CREB5: variants seen among roughly 807,000 people sequenced by gnomAD.
CREB5 encodes cyclic AMP-responsive element-binding protein 5.
In CREB5, 19 loss-of-function variants were observed where a neutral mutation model predicts 57.1. The observed-to-expected ratio is 0.33, with a 90% confidence interval of 0.23 to 0.49. The LOEUF (loss-of-function observed/expected upper bound fraction) is 0.49. Among genes scored for constraint, CREB5 ranks in the 20% least tolerant of loss-of-function variants. The pLI is 0.99. For missense variants in CREB5, 579 were observed against 671.6 expected (o/e 0.86, Z 1.52); for synonymous variants, 238 against 238.3 (o/e 1.00, Z 0.01).
chr7:28,689,726 A>G (rs1801150827), intron 5 of CREB5, among the ~76,000 whole-genome samples: 3 of 152,174 alleles, frequency 2.0e-5, no homozygotes, highest in African/African-American at 7.2e-5. Context: ...GAAACTTATC[A>G]AGTAGTCATG....
At chr7:28,346,591 G>T (rs1461122401) in intron 1 of CREB5, among the ~76,000 whole-genome samples, 2 of 152,384 alleles carry the variant, frequency 1.3e-5, no homozygotes, top group East Asian at 1.9e-4. Context: ...AAACTTGAGA[G>T]AACCCCTCAG....
At chr7:28,528,475 C>T (rs190528338) in intron 4 of CREB5, among the ~76,000 whole-genome samples, 3 of 152,116 alleles carry the variant, frequency 2.0e-5, no homozygotes, top group Admixed American at 6.5e-5. Flanking sequence ...GAGGCTGAGG[C>T]GGGAGGATCA....
intron 7 of CREB5, among the ~76,000 whole-genome samples, chr7:28,737,495 C>A (rs1804044235): frequency 6.9e-6 from 1 of 144,658 alleles, no homozygotes; most frequent in Non-Finnish European, 1.5e-5. Context: ...TTCTCTCTCT[C>A]TCTCTCTCTC....
chr7:28,509,694 A>T lies in CREB5; in HGVS notation c.291+1957A>T, dbSNP rs138751963. ...AAAAGAGTATAGATAATTAAATTTTAAAAATTAAAATAATTAAGCAACCAA... is the reference window on the plus strand; with the variant it reads ...AAAAGAGTATAGATAATTAAATTTTTAAAATTAAAATAATTAAGCAACCAA... On this transcript the variant is annotated intron_variant, in intron 4 of 10. Coordinates refer to ENST00000357727, the MANE Select transcript of CREB5 (RefSeq NM_182898.4). Among the ~76,000 whole-genome samples, 560 of 152,344 alleles carry T rather than the reference A, an allele frequency of 3.7e-3. 4 individuals are homozygous for T. Among genetic ancestry groups the T allele is most frequent in the African/African-American group, 0.013 (539 of 41,560 alleles).
intron 8 of CREB5, among the ~76,000 whole-genome samples, chr7:28,805,107 T>A (rs1271806531): frequency 6.6e-6 from 1 of 152,032 alleles, no homozygotes; most frequent in Non-Finnish European, 1.5e-5. Context: ...AGGTGACTCA[T>A]CCCCCTGAAT....
At chr7:28,340,979 C>T (rs889789747) in intron 1 of CREB5, among the ~76,000 whole-genome samples, 2 of 152,124 alleles carry the variant, frequency 1.3e-5, no homozygotes, top group Admixed American at 6.5e-5. Flanking sequence ...TTTCTCTGTG[C>T]CACATGGCTA....
chr7:28,468,350 T>C (rs1790676231), intron 1 of CREB5, among the ~76,000 whole-genome samples: 1 of 152,216 alleles, frequency 6.6e-6, no homozygotes. Context: ...CTTTGGGATG[T>C]TGTCACATAG....
chr7:28,761,235 A>C (rs1192349599), intron 7 of CREB5, among the ~76,000 whole-genome samples: 1 of 152,184 alleles, frequency 6.6e-6, no homozygotes, highest in African/African-American at 2.4e-5. Context: ...AGGTGGAAAG[A>C]AATATATTTT....
At chr7:28,454,259 C>G (rs1789989420) in intron 1 of CREB5, among the ~76,000 whole-genome samples, 1 of 152,126 alleles carries the variant, frequency 6.6e-6, no homozygotes, top group Admixed American at 6.5e-5. Flanking sequence ...GGCTCCAATT[C>G]TTATTCCTGT....
intron 5 of CREB5, among the ~76,000 whole-genome samples, chr7:28,638,223 C>G (rs1489063321): frequency 6.7e-6 from 1 of 149,900 alleles, no homozygotes; most frequent in African/African-American, 2.5e-5. Flanking sequence ...AAATCTTGAT[C>G]CCTGCCTTCA....
chr7:28,457,088 G>T (rs1243558240), intron 1 of CREB5, among the ~76,000 whole-genome samples: 1 of 152,182 alleles, frequency 6.6e-6, no homozygotes, highest in Non-Finnish European at 1.5e-5. Context: ...GAGACAGAGA[G>T]AAAATGGGGC....
At chr7:28,785,883 C>A (rs959392778) in intron 7 of CREB5, among the ~76,000 whole-genome samples, 1 of 152,164 alleles carries the variant, frequency 6.6e-6, no homozygotes, top group African/African-American at 2.4e-5. Flanking sequence ...GGGATAGAAT[C>A]CAAAAATTCC....
intron 5 of CREB5, among the ~76,000 whole-genome samples, chr7:28,629,042 C>T (rs181097566): frequency 3.9e-5 from 6 of 152,290 alleles, no homozygotes; most frequent in Non-Finnish European, 5.9e-5. Flanking sequence ...TCTGTTTAAA[C>T]GGTGAGTTTA....
At chr7:28,299,337 G>A (rs576214461) in exon 1 of CREB5, 17 of 152,230 alleles carry the variant, frequency 1.1e-4, no homozygotes, top group Non-Finnish European at 1.9e-4. Context: ...ATGAATCCAA[G>A]GAGTGGAGCA....
intron 9 of CREB5, among the ~76,000 whole-genome samples, chr7:28,810,191 G>T (rs180700522): frequency 1.3e-5 from 2 of 151,358 alleles, no homozygotes; most frequent in East Asian, 3.9e-4. Flanking sequence ...CAGAGCATTT[G>T]TTCTAATGTT....
chr7:28,627,451 G>A (rs1054382794), intron 5 of CREB5, among the ~76,000 whole-genome samples: 2 of 152,116 alleles, frequency 1.3e-5, no homozygotes, highest in African/African-American at 4.8e-5. Flanking sequence ...ATTTCTTCTG[G>A]GGTGGAGCCC....
chr7:28,612,025 C>T (rs1432024313), intron 5 of CREB5, among the ~76,000 whole-genome samples: 1 of 152,168 alleles, frequency 6.6e-6, no homozygotes, highest in Non-Finnish European at 1.5e-5. Context: ...AGGAAGGACA[C>T]CACGTAGTCA....
intron 4 of CREB5, among the ~76,000 whole-genome samples, chr7:28,542,254 T>C (rs1794237228): frequency 6.6e-6 from 1 of 152,202 alleles, no homozygotes; most frequent in African/African-American, 2.4e-5. Flanking sequence ...AGTTAGCAAG[T>C]AGTGAAGCCA....
chr7:28,558,967 G>A (rs1794976291), intron 4 of CREB5, among the ~76,000 whole-genome samples: 1 of 152,130 alleles, frequency 6.6e-6, no homozygotes, highest in Admixed American at 6.5e-5. Context: ...GACTAGATTT[G>A]CAGTGTGCAA....
Sources: allele counts gnomAD v4.1 joint callset (sites outside exome capture counted in the v4.1 genomes callset), GRCh38; gene constraint gnomAD v4.1.1; transcripts MANE v1.5; gene names NCBI Gene and HGNC (gene_info 2026-07-23, HGNC 2026-07-21).